GPC5: variants seen among roughly 807,000 people sequenced by gnomAD.
GPC5 encodes glypican 5, also known as glypican-5.
GPC5 carries 47 observed loss-of-function variants against 53.9 expected under a neutral mutation model. The ratio of observed to expected loss-of-function variants is 0.87; its 90% CI spans 0.69 to 1.11. GPC5 has a LOEUF of 1.11. Ranked by LOEUF, GPC5 falls within the 50% of genes most tolerant of loss-of-function variation. The pLI, the probability that GPC5 is intolerant of heterozygous loss-of-function variation, is 0.00. For synonymous variants in GPC5, 286 were observed against 263.3 expected, an observed-to-expected ratio of 1.09 and a Z score of -0.84; for missense variants, 748 against 713.1, an observed-to-expected ratio of 1.05 and a Z score of -0.56.
At chr13:91,975,403 T>A (rs1384010321) in intron 6 of GPC5, among the ~76,000 whole-genome samples, 1 of 151,800 alleles carries the variant, frequency 6.6e-6, no homozygotes, top group African/African-American at 2.4e-5. Flanking sequence ...GAATCTACAA[T>A]GAACTCAAAC....
chr13:91,678,004 C>T (rs963686565), intron 2 of GPC5, among the ~76,000 whole-genome samples: 2 of 152,110 alleles, frequency 1.3e-5, no homozygotes, highest in African/African-American at 4.8e-5. Context: ...TGCTTTATAA[C>T]CCATTTTAGT....
intron 7 of GPC5, among the ~76,000 whole-genome samples, chr13:92,810,325 T>C (rs1877249833): frequency 6.6e-6 from 1 of 151,952 alleles, no homozygotes. Flanking sequence ...GAATGATCTA[T>C]GTAAGTAAAC....
chr13:91,939,771 C>G (rs1220249653), intron 6 of GPC5, among the ~76,000 whole-genome samples: 2 of 152,030 alleles, frequency 1.3e-5, no homozygotes, highest in Non-Finnish European at 1.5e-5. Context: ...AAGACTACCA[C>G]GAGGGCTGAA....
chr13:91,962,075 T>C lies in GPC5; in HGVS notation c.1401+54018T>C, dbSNP rs1221560781. Among the ~76,000 whole-genome samples the C allele has an allele frequency of 2.0e-5, 3 of 152,176 alleles. No individual in the cohort carries two copies. The East Asian group carries it at 5.8e-4, about 29-fold the overall frequency. Reference sequence around the variant, plus strand: ...GGAGGATGTTCTTCATATGGTTAAATTCATTTGACAGTTAAATTTAGACAA... The same window carrying C: ...GGAGGATGTTCTTCATATGGTTAAACTCATTTGACAGTTAAATTTAGACAA... On this transcript the variant is annotated intron_variant, in intron 6 of 7. Coordinates refer to ENST00000377067, the MANE Select transcript of GPC5 (RefSeq NM_004466.6).
intron 6 of GPC5, among the ~76,000 whole-genome samples, chr13:91,931,780 T>A (rs990609939): frequency 6.6e-6 from 1 of 152,022 alleles, no homozygotes; most frequent in Non-Finnish European, 1.5e-5. Context: ...AATTCACGAA[T>A]GAGTTGATTC....
intron 7 of GPC5, among the ~76,000 whole-genome samples, chr13:92,402,151 T>C (rs549663361): frequency 9.0e-4 from 137 of 152,310 alleles, no homozygotes; most frequent in Non-Finnish European, 1.4e-3. Flanking sequence ...TAGATATGAC[T>C]CTAGCCAGAA....
At chr13:91,430,892 T>C (rs943733582) in intron 1 of GPC5, among the ~76,000 whole-genome samples, 2 of 152,136 alleles carry the variant, frequency 1.3e-5, no homozygotes, top group Non-Finnish European at 2.9e-5. Flanking sequence ...ACTGATTGAT[T>C]GAGACAGGGT....
chr13:92,758,226 G>T (rs905226789), intron 7 of GPC5, among the ~76,000 whole-genome samples: 5 of 141,158 alleles, frequency 3.5e-5, no homozygotes, highest in Non-Finnish European at 8.0e-5. Context: ...GTAAACTATC[G>T]CAAGAACAAA....
At chr13:91,722,827 A>G (rs1051440049) in intron 3 of GPC5, among the ~76,000 whole-genome samples, 2 of 152,182 alleles carry the variant, frequency 1.3e-5, no homozygotes, top group Non-Finnish European at 2.9e-5. Flanking sequence ...CCAAGCAGAG[A>G]TAGTATGTGT....
At chr13:91,960,765 C>T (rs1278071111) in intron 6 of GPC5, among the ~76,000 whole-genome samples, 2 of 151,810 alleles carry the variant, frequency 1.3e-5, no homozygotes, top group Non-Finnish European at 2.9e-5. Context: ...TACAGCTACA[C>T]ATTTATGTAT....
At chr13:92,178,353 G>C (rs1346344528) in intron 7 of GPC5, among the ~76,000 whole-genome samples, 3 of 151,768 alleles carry the variant, frequency 2.0e-5, no homozygotes, top group Non-Finnish European at 2.9e-5. Context: ...TATAAAACTG[G>C]AGGTATTTGC....
intron 5 of GPC5, among the ~76,000 whole-genome samples, chr13:91,862,961 T>C (rs1405529207): frequency 1.3e-5 from 2 of 151,776 alleles, no homozygotes; most frequent in East Asian, 3.9e-4. Context: ...CTTCCTTTCC[T>C]CCTTTCCTTT....
intron 7 of GPC5, among the ~76,000 whole-genome samples, chr13:92,538,493 G>T: frequency 7.0e-6 from 1 of 142,172 alleles, no homozygotes; most frequent in Non-Finnish European, 1.5e-5. Flanking sequence ...TTTAAGTTCT[G>T]GGATACATGT....
chr13:91,647,150 A>C (rs990936960), intron 2 of GPC5, among the ~76,000 whole-genome samples: 2 of 150,544 alleles, frequency 1.3e-5, no homozygotes, highest in Admixed American at 1.3e-4. Context: ...TGTAATATTT[A>C]AGGGCTTACC....
Position 91,789,990 on chromosome 13 carries a change from T to C in GPC5, c.1280+33570T>C, listed in dbSNP as rs190382286. ...TATTTTGGGGGAACTAATCTATTCC[T>C]GCTAGAATTAAGCCAGTCTTCAGAA... is the stretch of plus-strand genomic sequence containing the variant. On this transcript the variant is annotated intron_variant, in intron 5 of 7. Transcript: ENST00000377067. Among the ~76,000 whole-genome samples, 232 of 152,320 alleles carry C rather than the reference T, an allele frequency of 1.5e-3. 1 individual carries two copies. The Middle Eastern group carries it at 0.037, about 25-fold the overall frequency.
At chr13:92,714,570 T>C (rs570694828) in intron 7 of GPC5, among the ~76,000 whole-genome samples, 326 of 152,334 alleles carry the variant, frequency 2.1e-3, no homozygotes, top group African/African-American at 7.4e-3. Context: ...TTCAATCGTA[T>C]GCCAACCATG....
At chr13:91,753,644 C>T (rs1285771585) in intron 4 of GPC5, among the ~76,000 whole-genome samples, 2 of 152,100 alleles carry the variant, frequency 1.3e-5, no homozygotes, top group African/African-American at 2.4e-5. Context: ...AAAACAGAAA[C>T]GTCTTATGAT....
chr13:92,138,571 C>T (rs1017350155), intron 6 of GPC5, among the ~76,000 whole-genome samples: 2 of 151,736 alleles, frequency 1.3e-5, no homozygotes, highest in African/African-American at 4.8e-5. Context: ...AATAAAAATA[C>T]TGGCTTCATT....
intron 6 of GPC5, among the ~76,000 whole-genome samples, chr13:91,953,811 A>G (rs766874138): frequency 2.6e-4 from 40 of 152,164 alleles, no homozygotes; most frequent in Admixed American, 7.2e-4. Flanking sequence ...CCTCTTTCAT[A>G]AGGGCACTAA....
Sources: gnomAD v4.1 joint callset for allele counts (sites outside exome capture counted in the v4.1 genomes callset) on GRCh38, gnomAD v4.1.1 for gene constraint, MANE v1.5 for transcripts, NCBI Gene and HGNC (gene_info 2026-07-23, HGNC 2026-07-21) for gene names.